ZNF207: variants seen among roughly 807,000 people sequenced by gnomAD.
ZNF207 encodes the protein zinc finger protein 207.
A neutral mutation model predicts 60.2 loss-of-function variants in ZNF207; 24 were observed. The observed-to-expected ratio is 0.40, with a 90% CI of 0.29 to 0.56. The LOEUF (loss-of-function observed/expected upper bound fraction) is 0.56. Ranked by LOEUF, ZNF207 falls within the 20% of genes least tolerant of loss-of-function variation. ZNF207 has a pLI of 0.49. For missense variants in ZNF207, 452 were observed against 636.6 expected, an observed-to-expected ratio of 0.71 and a Z score of 3.12; for synonymous variants, 236 against 194.7, an observed-to-expected ratio of 1.21 and a Z score of -1.77.
At position 32,375,447 on chromosome 17, in the gene ZNF207, G is replaced by C. The variant is rs564736122; in HGVS notation, c.*5688G>C. 8.5e-5 allele frequency: 13 copies of C among 152,122 alleles called. No individual in the cohort carries two copies. Among genetic ancestry groups the C allele is most frequent in the African/African-American group, 3.1e-4 (13 of 41,430 alleles). The allele number at this position is 152,122 out of a possible 1,614,324, so 9.4% of individuals were successfully genotyped here. A position where few individuals can be genotyped will look rare whatever the true frequency, so the allele number is the denominator to read the frequency against. ...GCTCTTATCTGGTTGAGTACTGGGG[G>C]TGGGAAGGATTTAGTAATGTCATAA... On this transcript the variant is annotated 3_prime_UTR_variant, in exon 12 of 12. Coordinates refer to ENST00000394670, the MANE Select transcript of ZNF207 (RefSeq NM_001098507.2).
intron 9 of ZNF207, 61 bp from the exon 10 acceptor site, chr17:32,367,711 G>C: frequency 6.3e-7 from 1 of 1,593,942 alleles, no homozygotes; most frequent in Admixed American, 1.8e-5. Flanking sequence ...AAGTTAAACT[G>C]TTGTAGATAT....
intron 5 of ZNF207, 90 bp downstream of exon 5, chr17:32,361,057 C>A: frequency 7.1e-7 from 1 of 1,406,450 alleles, no homozygotes; most frequent in South Asian, 1.2e-5. Flanking sequence ...TGTTACTTTC[C>A]ATTTTTTGCT....
chr17:32,365,737 AG>A (rs1905131343), intron 8 of ZNF207: 8 of 159,980 alleles, frequency 5.0e-5, no homozygotes, highest in Non-Finnish European at 1.0e-4. Context: ...ATTTATTCTT[AG>A]TTTTTTTTTT....
chr17:32,350,543 C>T (rs952112685), intron 1 of ZNF207, among the ~76,000 whole-genome samples: 1 of 152,096 alleles, frequency 6.6e-6, no homozygotes, highest in South Asian at 2.1e-4. Flanking sequence ...GACTCTGTGA[C>T]TCAGGAGGAT....
intron 9 of ZNF207, 107 bp downstream of exon 9, chr17:32,366,864 T>G: frequency 9.9e-7 from 1 of 1,013,456 alleles, no homozygotes; most frequent in Non-Finnish European, 1.4e-6. Flanking sequence ...TGTGTTTACT[T>G]TTTTAAAGCA....
chr17:32,352,944 A>T (rs146217733), intron 2 of ZNF207, among the ~76,000 whole-genome samples: 25 of 152,350 alleles, frequency 1.6e-4, no homozygotes, highest in African/African-American at 5.3e-4. Flanking sequence ...TGGGAGGCCA[A>T]GGTGGGCGGA....
chr17:32,358,266 A>G (rs1362429432), intron 2 of ZNF207, among the ~76,000 whole-genome samples: 2 of 152,222 alleles, frequency 1.3e-5, no homozygotes, highest in Non-Finnish European at 2.9e-5. Flanking sequence ...TGTTTTTTAT[A>G]TACAGTATTT....
chr17:32,365,044 A>G (rs928001037), intron 7 of ZNF207, among the ~76,000 whole-genome samples: 8 of 152,214 alleles, frequency 5.3e-5, no homozygotes, highest in Non-Finnish European at 7.3e-5. Context: ...ATTCTTTTAT[A>G]TATTGCAAGA....
intron 7 of ZNF207, among the ~76,000 whole-genome samples, chr17:32,364,438 A>G (rs922996945): frequency 2.0e-5 from 3 of 151,352 alleles, no homozygotes; most frequent in African/African-American, 4.9e-5. Context: ...GCTCACCACA[A>G]CATCCGCCTC....
intron 3 of ZNF207, among the ~76,000 whole-genome samples, chr17:32,358,882 C>G (rs994668514): frequency 2.6e-5 from 4 of 151,976 alleles, no homozygotes; most frequent in Non-Finnish European, 5.9e-5. Flanking sequence ...GCACTGCAAC[C>G]TCTGCTTCCC....
rs1345837816 is a variant in ZNF207 at position 32,376,709 on chromosome 17, A to G, written c.*6950A>G. The G allele has an allele frequency of 6.6e-6, 1 of 152,090 alleles. No individual in the cohort carries two copies. The highest frequency in any genetic ancestry group is 1.5e-5 in the Non-Finnish European group (1 of 67,944). The allele number at this position is 152,090 out of a possible 1,614,324, so 9.4% of individuals were successfully genotyped here. On this transcript the variant is annotated 3_prime_UTR_variant, in exon 12 of 12. Transcript: ENST00000394670. The stretch of plus-strand genomic sequence containing the variant: ...TAATTAGATGGAAACTTTGATGGTT[A>G]GGTTCTTTAAGAGGCATACAATCCG...
Position 32,379,274 on chromosome 17 carries a change from C to T in ZNF207, c.*9515C>T, listed in dbSNP as rs979218245. ...TCTTCTAAAATTAACTGAAATAGGA[C>T]ACTTTGATTAAAGAGGTGAGCACTC... On this transcript the variant is annotated 3_prime_UTR_variant, in exon 12 of 12. Transcript: ENST00000394670. 1 of 151,928 alleles carries T rather than the reference C, an allele frequency of 6.6e-6. No homozygotes were observed. Among genetic ancestry groups the T allele is most frequent in the African/African-American group, 2.4e-5 (1 of 41,400 alleles). The allele number at this position is 151,928 out of a possible 1,614,324, so 9.4% of individuals were successfully genotyped here.
In ZNF207 at chr17:32,375,178, G is replaced by A. The variant is rs1039929224; in HGVS notation, c.*5419G>A. On this transcript the variant is annotated 3_prime_UTR_variant, in exon 12 of 12. Coordinates refer to ENST00000394670, the MANE Select transcript of ZNF207 (RefSeq NM_001098507.2). ...ATGCATTAAATGAATTGTAAATTTT[G>A]ACTTGTTAAATAACATGTTTTTCAC... 1.8e-4 allele frequency: 27 copies of A among 152,108 alleles called. No individual in the cohort carries two copies. Among genetic ancestry groups the A allele is most frequent in the African/African-American group, 5.6e-4 (23 of 41,428 alleles). 9.4% of individuals were successfully genotyped at this position (152,108 alleles called of 1,614,324 possible).
At position 32,379,994 on chromosome 17, in the gene ZNF207, C is replaced by T. The variant is rs1462452692; in HGVS notation, c.*10235C>T. ...TTCTGAACCAATAATAAACAGTCAA[C>T]TGTGATGCTTTTTAGTATGAACAAT... is the stretch of plus-strand genomic sequence containing the variant. On this transcript the variant is annotated 3_prime_UTR_variant, in exon 12 of 12. Transcript: ENST00000394670. The T allele has an allele frequency of 6.6e-6, 1 of 152,190 alleles. No individual in the cohort carries two copies. The highest frequency in any genetic ancestry group is 1.5e-5 in the Non-Finnish European group (1 of 68,012). The allele number at this position is 152,190 out of a possible 1,614,324, so 9.4% of individuals were successfully genotyped here.
intron 10 of ZNF207, chr17:32,368,836 T>C (rs927857746): frequency 6.5e-6 from 1 of 154,706 alleles, no homozygotes; most frequent in African/African-American, 2.4e-5. Context: ...AGAAACCCCA[T>C]CTCTCCTAAA....
At chr17:32,354,595 T>TA (rs1202485049) in intron 2 of ZNF207, among the ~76,000 whole-genome samples, 2 of 148,620 alleles carry the variant, frequency 1.3e-5, no homozygotes, top group Non-Finnish European at 3.0e-5. Flanking sequence ...CAGGCATAAG[T>TA]CACTGCAGCT....
chr17:32,376,595 G>A lies in ZNF207; in HGVS notation c.*6836G>A, dbSNP rs1234307278. On this transcript the variant is annotated 3_prime_UTR_variant, in exon 12 of 12. Coordinates refer to ENST00000394670, the MANE Select transcript of ZNF207 (RefSeq NM_001098507.2). ...AGTAGTCATATTGAGGCAGAAATTT[G>A]TAGCCCAAACAAGGTAGGTCTTCGC... 2 of 152,000 alleles carry A rather than the reference G, an allele frequency of 1.3e-5. No homozygotes were observed. The highest frequency in any genetic ancestry group is 2.9e-5 in the Non-Finnish European group (2 of 67,908). 9.4% of individuals were successfully genotyped at this position (152,000 alleles called of 1,614,324 possible).
rs1385727399 is a variant in ZNF207 at position 32,373,716 on chromosome 17, C to T, written c.*3957C>T. 2 of 307,728 alleles carry T rather than the reference C, an allele frequency of 6.5e-6. No individual in the cohort carries two copies. The highest frequency in any genetic ancestry group is 5.0e-5 in the Admixed American group (1 of 20,180). 19.1% of individuals were successfully genotyped at this position (307,728 alleles called of 1,614,324 possible). A position where few individuals can be genotyped will look rare whatever the true frequency, so the allele number is the denominator to read the frequency against. On this transcript the variant is annotated 3_prime_UTR_variant, in exon 12 of 12. Transcript: ENST00000394670. Reference sequence around the variant, plus strand: ...AACAGCTTCAGTAAAGCTTGTGTTCCTATATTGAACTTCAATAAATTGACA... The same window carrying T: ...AACAGCTTCAGTAAAGCTTGTGTTCTTATATTGAACTTCAATAAATTGACA...
intron 5 of ZNF207, 136 bp from the exon 6 acceptor site, chr17:32,361,332 A>C: frequency 1.5e-6 from 1 of 654,992 alleles, no homozygotes; most frequent in Non-Finnish European, 2.5e-6. Flanking sequence ...AAAGCATCAA[A>C]ACTAAAATGA....
Sources: gnomAD v4.1 joint callset for allele counts (sites outside exome capture counted in the v4.1 genomes callset) on GRCh38, gnomAD v4.1.1 for gene constraint, MANE v1.5 for transcripts, NCBI Gene and HGNC (gene_info 2026-07-23, HGNC 2026-07-21) for gene names.